Variants in CDKAL1 observed in about 807,000 individuals in gnomAD.
CDKAL1 encodes threonylcarbamoyladenosine tRNA methylthiotransferase.
In CDKAL1, 32 loss-of-function variants were observed where a neutral mutation model predicts 68.2. The ratio of observed to expected loss-of-function variants is 0.47; its 90% CI spans 0.35 to 0.63. The LOEUF is 0.63. Among genes scored for constraint, CDKAL1 ranks in the 30% least tolerant of loss-of-function variants. The pLI is 0.00. For missense variants in CDKAL1, 606 were observed against 696.7 expected, an observed-to-expected ratio of 0.87 and a Z score of 1.47; for synonymous variants, 234 against 244.3, an observed-to-expected ratio of 0.96 and a Z score of 0.39.
At chr6:21,057,069 G>T (rs1387647032) in intron 11 of CDKAL1, among the ~76,000 whole-genome samples, 1 of 152,126 alleles carries the variant, frequency 6.6e-6, no homozygotes, top group African/African-American at 2.4e-5. Flanking sequence ...CTCCTTTCCA[G>T]TTGTTTGGAA....
At chr6:20,659,486 A>G (rs538850745) in intron 5 of CDKAL1, among the ~76,000 whole-genome samples, 120 of 152,278 alleles carry the variant, frequency 7.9e-4, no homozygotes, top group Non-Finnish European at 7.3e-5. Flanking sequence ...AAAATATTAG[A>G]CTGAATTAAT....
At chr6:20,690,066 A>G (rs1236178263) in intron 5 of CDKAL1, among the ~76,000 whole-genome samples, 1 of 152,210 alleles carries the variant, frequency 6.6e-6, no homozygotes, top group Non-Finnish European at 1.5e-5. Context: ...AATGGTTACC[A>G]TAGTTAACAT....
At chr6:20,863,437 T>C (rs1367810334) in intron 9 of CDKAL1, among the ~76,000 whole-genome samples, 2 of 151,422 alleles carry the variant, frequency 1.3e-5, no homozygotes, top group Non-Finnish European at 2.9e-5. Context: ...GTCTTACTTA[T>C]CTTGATATCA....
At chr6:21,059,267 AG>A (rs1415878713) in intron 11 of CDKAL1, among the ~76,000 whole-genome samples, 1 of 152,206 alleles carries the variant, frequency 6.6e-6, no homozygotes, top group Non-Finnish European at 1.5e-5. Context: ...TAGCACCAGC[AG>A]GGGAAAACAG....
chr6:20,809,248 C>G lies in CDKAL1; in HGVS notation c.638+27983C>G, dbSNP rs895023003. 2.0e-4 allele frequency among the ~76,000 whole-genome samples: 30 copies of G among 152,226 alleles called. 1 individual carries two copies. Among genetic ancestry groups the G allele is most frequent in the African/African-American group, 7.0e-4 (29 of 41,450 alleles). On this transcript the variant is annotated intron_variant, in intron 8 of 15. Transcript: ENST00000274695. ...CCCAGTCATCACTCACAGGGCCATT[C>G]CTTCCTTAACGCAGTGGGTATTTCA...
intron 11 of CDKAL1, among the ~76,000 whole-genome samples, chr6:21,024,292 C>T (rs986871828): frequency 6.6e-6 from 1 of 152,048 alleles, no homozygotes; most frequent in African/African-American, 2.4e-5. Context: ...TTTATTTATA[C>T]CCATGCACAG....
At chr6:21,057,313 G>A (rs756591145) in intron 11 of CDKAL1, among the ~76,000 whole-genome samples, 4 of 152,066 alleles carry the variant, frequency 2.6e-5, no homozygotes, top group Non-Finnish European at 4.4e-5. Context: ...TTGCATAGAG[G>A]TGTTTATAGT....
intron 8 of CDKAL1, among the ~76,000 whole-genome samples, chr6:20,840,481 A>G (rs892119152): frequency 2.6e-5 from 4 of 152,252 alleles, no homozygotes; most frequent in African/African-American, 7.2e-5. Flanking sequence ...TTTAGTACAC[A>G]TATTTTAATG....
At chr6:20,792,962 G>A (rs4299818) in intron 8 of CDKAL1, among the ~76,000 whole-genome samples, 146,011 of 152,258 alleles carry the variant, frequency 0.96, 70,020 homozygotes, top group East Asian at 1. Context: ...ACAAATATGG[G>A]GAATGTATCA....
chr6:21,228,673 C>T (rs1273491727), intron 15 of CDKAL1, among the ~76,000 whole-genome samples: 1 of 152,180 alleles, frequency 6.6e-6, no homozygotes. Flanking sequence ...TCTGTGACTG[C>T]AGCCTGCTAG....
chr6:20,658,850 T>C (rs890249826), intron 5 of CDKAL1, among the ~76,000 whole-genome samples: 6 of 152,254 alleles, frequency 3.9e-5, no homozygotes, highest in African/African-American at 1.4e-4. Context: ...GGTCTCGTTC[T>C]GTTGCTCAGG....
intron 10 of CDKAL1, among the ~76,000 whole-genome samples, chr6:20,992,016 C>CT (rs35586782): frequency 0.3 from 39,753 of 131,520 alleles, 6,914 homozygotes; most frequent in East Asian, 0.45. Context: ...TTTCCCCCAC[C>CT]TTTTTTTTTC....
At chr6:21,054,897 G>GC (rs201408760) in intron 11 of CDKAL1, among the ~76,000 whole-genome samples, 28 of 140,796 alleles carry the variant, frequency 2.0e-4, no homozygotes, top group Non-Finnish European at 2.5e-4. Context: ...CATGTCACCT[G>GC]CCCAAAAAAA....
chr6:20,673,996 T>TG (rs1769972704), intron 5 of CDKAL1, among the ~76,000 whole-genome samples: 1 of 152,196 alleles, frequency 6.6e-6, no homozygotes, highest in African/African-American at 2.4e-5. Context: ...TATTTTTTTT[T>TG]CTGCCTTTCA....
chr6:21,011,753 A>G (rs770135341), intron 11 of CDKAL1, among the ~76,000 whole-genome samples: 3 of 152,180 alleles, frequency 2.0e-5, no homozygotes, highest in Non-Finnish European at 4.4e-5. Flanking sequence ...TTCCATGAAA[A>G]TCAATCCCCT....
chr6:21,021,121 G>A (rs1297081676), intron 11 of CDKAL1, among the ~76,000 whole-genome samples: 1 of 152,130 alleles, frequency 6.6e-6, no homozygotes, highest in Non-Finnish European at 1.5e-5. Context: ...GAGAGCACAG[G>A]CATAGGGCCA....
chr6:20,966,553 T>G (rs1765323832), intron 10 of CDKAL1, among the ~76,000 whole-genome samples: 1 of 152,174 alleles, frequency 6.6e-6, no homozygotes, highest in African/African-American at 2.4e-5. Flanking sequence ...TCCTGAAAGA[T>G]CCCCAATTAT....
intron 5 of CDKAL1, among the ~76,000 whole-genome samples, chr6:20,714,378 CTTTTTT>C (rs545162371): frequency 0.012 from 856 of 72,628 alleles, 6 homozygotes; most frequent in African/African-American, 0.039. Flanking sequence ...ATTGTCTGTT[CTTTTTT>C]TTTTTTTTTT....
At chr6:20,759,498 C>T (rs1774375276) in intron 7 of CDKAL1, among the ~76,000 whole-genome samples, 2 of 152,208 alleles carry the variant, frequency 1.3e-5, no homozygotes, top group African/African-American at 4.8e-5. Flanking sequence ...ACAGTGATTG[C>T]ACCATTGCAC....
Sources: allele counts gnomAD v4.1 joint callset (sites outside exome capture counted in the v4.1 genomes callset), GRCh38; gene constraint gnomAD v4.1.1; transcripts MANE v1.5; gene names NCBI Gene and HGNC (gene_info 2026-07-23, HGNC 2026-07-21).